LDB3: variants seen among roughly 807,000 people sequenced by gnomAD.
The protein encoded by LDB3 is LIM domain-binding protein 3.
LDB3 carries 49 observed loss-of-function variants against 69.0 expected under a neutral mutation model. The ratio of observed to expected loss-of-function variants is 0.71; its 90% CI spans 0.56 to 0.90. The LOEUF (loss-of-function observed/expected upper bound fraction) is 0.90. LDB3 is among the 40% of genes least tolerant of loss of function. The pLI is 0.00. For missense variants in LDB3, 928 were observed against 974.1 expected, an observed-to-expected ratio of 0.95 and a Z score of 0.63; for synonymous variants, 387 against 396.2, an observed-to-expected ratio of 0.98 and a Z score of 0.28.
At chr10:86,714,113 C>A (rs545473593) in intron 9 of LDB3, among the ~76,000 whole-genome samples, 9 of 152,326 alleles carry the variant, frequency 5.9e-5, no homozygotes, top group Admixed American at 2.0e-4. Flanking sequence ...TTCTTACCTT[C>A]CCTTAATCCT....
At chr10:86,679,783 G>A (rs1414908258) in intron 3 of LDB3, among the ~76,000 whole-genome samples, 1 of 152,250 alleles carries the variant, frequency 6.6e-6, no homozygotes, top group African/African-American at 2.4e-5. Flanking sequence ...CATTGGTCCT[G>A]GAAGGCAGGT....
At chr10:86,722,559 CTTTT>C (rs1181539611) in intron 12 of LDB3, among the ~76,000 whole-genome samples, 6 of 55,226 alleles carry the variant, frequency 1.1e-4, no homozygotes, top group Admixed American at 6.2e-4. Context: ...CGTGCCTGGC[CTTTT>C]TTTTTTTTTT....
intron 5 of LDB3, among the ~76,000 whole-genome samples, chr10:86,682,936 T>TC (rs1450725368): frequency 2.1e-5 from 3 of 146,334 alleles, no homozygotes; most frequent in African/African-American, 8.1e-5. Flanking sequence ...GCCCTCAGCT[T>TC]CCCCACCCCC....
chr10:86,681,579 C>T lies in LDB3; in HGVS notation c.465C>T (p.Leu155=), dbSNP rs45516997. 1.7e-3 allele frequency: 2,736 copies of T among 1,613,024 alleles called. 2 individuals carry two copies. The highest frequency in any genetic ancestry group is 1.9e-3 in the Non-Finnish European group (2,275 of 1,179,786). ...AFSRPSAFSS[L]AEASDPGPPR... is the part of the protein sequence containing the mutation. Reference sequence around the variant, plus strand: ...CCCGGCCCTCCGCCTTCTCCTCACTCGCCGAGGCCTCTGACCCTGGCCCTC... The same window carrying T: ...CCCGGCCCTCCGCCTTCTCCTCACTTGCCGAGGCCTCTGACCCTGGCCCTC... Residue 155 remains leucine, a synonymous_variant, in exon 5 of 14, where the codon CTC becomes CTT. Transcript: ENST00000361373.
chr10:86,716,573 A>T lies in LDB3; in HGVS notation c.1478A>T (p.Asp493Val). The stretch of plus-strand genomic sequence containing the variant: ...GCCAGCCGTCCACCCTGGGTGACAG[A>T]TGATAGCTTCTCCCAGAAGTTTGCC... ...EPASRPPWVT[D>V]DSFSQKFAPG... The change falls in exon 10 of 14, where the codon GAT becomes GTT. Residue 493 changes from aspartate (D) to valine (V), a missense_variant. Physicochemically the swap from Asp to Val is radical, Grantham distance 152 (BLOSUM62 -3). Coordinates refer to ENST00000361373, the MANE Select transcript of LDB3 (RefSeq NM_007078.3). 6.2e-7 allele frequency: 1 copy of T among 1,613,502 alleles called. No homozygotes were observed. The highest frequency in any genetic ancestry group is 1.1e-5 in the South Asian group (1 of 91,038).
intron 12 of LDB3, among the ~76,000 whole-genome samples, chr10:86,720,844 C>T (rs571550143): frequency 5.0e-4 from 76 of 152,252 alleles, no homozygotes; most frequent in African/African-American, 1.7e-3. Context: ...AGGAAGAAGA[C>T]GGTCTAGTGT....
chr10:86,673,801 G>A (rs1446866612), intron 2 of LDB3, among the ~76,000 whole-genome samples: 1 of 152,178 alleles, frequency 6.6e-6, no homozygotes, highest in African/African-American at 2.4e-5. Flanking sequence ...ATCTACACTG[G>A]CACATCTAGA....
intron 7 of LDB3, among the ~76,000 whole-genome samples, chr10:86,704,618 C>T (rs1245257958): frequency 3.0e-5 from 4 of 134,040 alleles, no homozygotes; most frequent in East Asian, 2.3e-4. Flanking sequence ...CTCGCTCTGT[C>T]GCCCAGGCTG....
At chr10:86,687,266 T>A in intron 5 of LDB3, 1 of 1,614,078 alleles carries the variant, frequency 6.2e-7, no homozygotes, top group Non-Finnish European at 8.5e-7. Context: ...GGCAGTGACT[T>A]CAGTGGGTAA....
Position 86,681,808 on chromosome 10 carries a change from G to A in LDB3, c.689+5G>A. The stretch of plus-strand genomic sequence containing the variant: ...GGGTGTCGGACTCCCAGGAGGGTAG[G>A]TAACGGACATACAGCTCTCCACAGG... On this transcript the variant is annotated splice_donor_5th_base_variant and intron_variant, in intron 5 of 13. Transcript: ENST00000361373. 6.3e-7 allele frequency: 1 copy of A among 1,589,470 alleles called. No individual in the cohort carries two copies. Among genetic ancestry groups the A allele is most frequent in the African/African-American group, 1.3e-5 (1 of 74,176 alleles).
At chr10:86,674,043 G>C (rs1382839190) in intron 2 of LDB3, among the ~76,000 whole-genome samples, 1 of 152,100 alleles carries the variant, frequency 6.6e-6, no homozygotes, top group East Asian at 1.9e-4. Flanking sequence ...GGCTGGCTCA[G>C]AACTGGTCAG....
In LDB3 at chr10:86,710,308, G is replaced by T. The variant is rs1310958810; in HGVS notation, c.1231+258G>T. 8.3e-6 allele frequency: 8 copies of T among 960,930 alleles called. No individual in the cohort carries two copies. The East Asian group carries it at 5.8e-4, about 70-fold the overall frequency. The allele number at this position is 960,930 out of a possible 1,614,324, so 59.5% of individuals were successfully genotyped here. ...AAGGAGAGCAGAGAAGTCTTCTCCG[G>T]ACCGGGCATGGTGGCTCACACTTGG... is the stretch of plus-strand genomic sequence containing the variant. On this transcript the variant is annotated intron_variant, in intron 9 of 13. Transcript: ENST00000361373.
intron 12 of LDB3, among the ~76,000 whole-genome samples, chr10:86,725,786 T>C (rs1328604713): frequency 2.0e-5 from 3 of 152,192 alleles, no homozygotes; most frequent in Non-Finnish European, 2.9e-5. Flanking sequence ...TAAGCATAGA[T>C]GTTTGGAAAT....
chr10:86,694,056 A>G (rs1013606064), intron 7 of LDB3, among the ~76,000 whole-genome samples: 2 of 152,148 alleles, frequency 1.3e-5, no homozygotes, highest in Non-Finnish European at 1.5e-5. Context: ...TCCGATATGC[A>G]AGGCAGTCAC....
At chr10:86,692,625 CGGGCAGCCCCCAG>C in intron 7 of LDB3, 54 bp downstream of exon 7, 2 of 1,527,760 alleles carry the variant, frequency 1.3e-6, no homozygotes, top group Admixed American at 1.7e-5. Flanking sequence ...CGTCCCTCCC[CGGGCAGCCCCCAG>C]GTCACATCAC....
chr10:86,676,181 C>T (rs570714800), intron 2 of LDB3, among the ~76,000 whole-genome samples: 2 of 152,292 alleles, frequency 1.3e-5, no homozygotes, highest in East Asian at 1.9e-4. Context: ...GCAGTCCAGA[C>T]GTCTGTTTCT....
Position 86,733,025 on chromosome 10 carries a change from T to C in LDB3, c.*49T>C. ...CGAGGCCCGGAGCTGCTCCTGCTGC[T>C]GGCAACAAAGGATTCGGGAGGCTGA... On this transcript the variant is annotated 3_prime_UTR_variant, in exon 14 of 14. Coordinates refer to ENST00000361373, the MANE Select transcript of LDB3 (RefSeq NM_007078.3). 1 of 1,351,524 alleles carries C rather than the reference T, an allele frequency of 7.4e-7. No individual in the cohort carries two copies. Among genetic ancestry groups the C allele is most frequent in the Non-Finnish European group, 1.1e-6 (1 of 950,684 alleles). 83.7% of individuals were successfully genotyped at this position (1,351,524 alleles called of 1,614,324 possible). A position where few individuals can be genotyped will look rare whatever the true frequency, so the allele number is the denominator to read the frequency against.
chr10:86,696,645 A>AT (rs1391583953), intron 7 of LDB3, among the ~76,000 whole-genome samples: 7 of 152,250 alleles, frequency 4.6e-5, no homozygotes, highest in Middle Eastern at 3.4e-3. Context: ...GGACTTGACG[A>AT]TTTACAGGCA....
chr10:86,681,346 A>G, intron 4 of LDB3, 90 bp from the exon 5 acceptor site: 1 of 1,573,954 alleles, frequency 6.4e-7, no homozygotes, highest in Non-Finnish European at 8.6e-7. Flanking sequence ...GCGCTAACAC[A>G]TCTGTTTCAG....
Sources: allele counts gnomAD v4.1 joint callset (sites outside exome capture counted in the v4.1 genomes callset), GRCh38; gene constraint gnomAD v4.1.1; transcripts MANE v1.5; gene names NCBI Gene and HGNC (gene_info 2026-07-23, HGNC 2026-07-21).